Variants in PDE4B observed in about 807,000 individuals in gnomAD.
PDE4B encodes the protein 3',5'-cyclic-AMP phosphodiesterase 4B.
Under a neutral mutation model 82.2 loss-of-function variants are expected in PDE4B, and 20 were observed. The ratio of observed to expected loss-of-function variants is 0.24; its 90% CI spans 0.17 to 0.35. The LOEUF is 0.35. Ranked by LOEUF, PDE4B falls within the 10% of genes least tolerant of loss-of-function variation. The pLI, the probability that PDE4B is intolerant of heterozygous loss-of-function variation, is 1.00. For missense variants in PDE4B, 655 were observed against 907.2 expected, an observed-to-expected ratio of 0.72 and a Z score of 3.57; for synonymous variants, 320 against 318.9, an observed-to-expected ratio of 1.00 and a Z score of -0.04.
chr1:66,040,305 G>C (rs949940880), intron 3 of PDE4B, among the ~76,000 whole-genome samples: 6 of 151,954 alleles, frequency 3.9e-5, no homozygotes, highest in Non-Finnish European at 8.8e-5. Context: ...ATTTTATTTA[G>C]AGGAACCACC....
intron 3 of PDE4B, among the ~76,000 whole-genome samples, chr1:66,189,252 G>A (rs1429581810): frequency 6.6e-6 from 1 of 151,848 alleles, no homozygotes; most frequent in Non-Finnish European, 1.5e-5. Flanking sequence ...CTTTCTCTCT[G>A]GCTGCCCTTA....
intron 3 of PDE4B, among the ~76,000 whole-genome samples, chr1:65,981,928 A>G (rs1650711744): frequency 6.6e-6 from 1 of 152,156 alleles, no homozygotes; most frequent in African/African-American, 2.4e-5. Context: ...TTGGACGTCT[A>G]GCTCCCAGAA....
chr1:66,139,735 CAA>C (rs10654385), intron 3 of PDE4B, among the ~76,000 whole-genome samples: 21,869 of 99,986 alleles, frequency 0.22, 1,988 homozygotes, highest in South Asian at 0.45. Context: ...CCTCCCCCCT[CAA>C]AAAAAAAAAA....
chr1:66,298,831 C>A (rs1243976625), intron 7 of PDE4B, among the ~76,000 whole-genome samples: 1 of 152,098 alleles, frequency 6.6e-6, no homozygotes. Flanking sequence ...ATCACTGTAA[C>A]CTGAAATGTC....
At chr1:65,847,075 T>C (rs1381195315) in intron 1 of PDE4B, among the ~76,000 whole-genome samples, 2 of 152,248 alleles carry the variant, frequency 1.3e-5, no homozygotes, top group Admixed American at 1.3e-4. Context: ...TAACATTTTC[T>C]AATATTGTTG....
intron 3 of PDE4B, among the ~76,000 whole-genome samples, chr1:65,986,407 T>A (rs971661491): frequency 6.6e-6 from 1 of 152,200 alleles, no homozygotes; most frequent in African/African-American, 2.4e-5. Flanking sequence ...CCTTTGAATT[T>A]AGCCTTAATG....
At chr1:66,116,492 T>C (rs1645596319) in intron 3 of PDE4B, among the ~76,000 whole-genome samples, 1 of 152,194 alleles carries the variant, frequency 6.6e-6, no homozygotes, top group Non-Finnish European at 1.5e-5. Flanking sequence ...TCACATCCTT[T>C]AGAATTCTTC....
chr1:66,330,705 G>A, intron 7 of PDE4B: 2 of 902,096 alleles, frequency 2.2e-6, no homozygotes, highest in Non-Finnish European at 2.7e-6. Flanking sequence ...TTCAGAAAAG[G>A]CTTCCTTGGA....
chr1:65,968,364 G>A (rs1428069766), intron 3 of PDE4B, among the ~76,000 whole-genome samples: 1 of 152,098 alleles, frequency 6.6e-6, no homozygotes, highest in Non-Finnish European at 1.5e-5. Context: ...CTTATTGAAT[G>A]TCTTCTCTGT....
chr1:65,985,951 T>TA (rs1557477768), intron 3 of PDE4B, among the ~76,000 whole-genome samples: 2 of 152,022 alleles, frequency 1.3e-5, no homozygotes, highest in African/African-American at 4.8e-5. Context: ...TAATAATAAT[T>TA]ATTATTATTA....
intron 3 of PDE4B, among the ~76,000 whole-genome samples, chr1:66,105,515 A>G (rs1403828211): frequency 1.3e-5 from 2 of 152,136 alleles, no homozygotes; most frequent in African/African-American, 4.8e-5. Context: ...CATTGAATCT[A>G]TAAATTACCT....
intron 3 of PDE4B, among the ~76,000 whole-genome samples, chr1:66,207,325 T>G (rs544065088): frequency 2.0e-5 from 3 of 152,298 alleles, no homozygotes; most frequent in Admixed American, 1.3e-4. Context: ...AAAGCCAATT[T>G]CTTAATGCAA....
At chr1:65,988,307 C>A (rs894840652) in intron 3 of PDE4B, among the ~76,000 whole-genome samples, 9 of 152,160 alleles carry the variant, frequency 5.9e-5, no homozygotes, top group Non-Finnish European at 1.5e-5. Context: ...TAGAATAATT[C>A]TCTAGCTTCG....
intron 8 of PDE4B, chr1:66,354,790 A>G: frequency 6.5e-7 from 1 of 1,534,570 alleles, no homozygotes. Context: ...TTGCTCTCTC[A>G]GAACTGTGAA....
At chr1:65,971,641 G>A (rs1255656632) in intron 3 of PDE4B, among the ~76,000 whole-genome samples, 3 of 152,160 alleles carry the variant, frequency 2.0e-5, no homozygotes, top group Non-Finnish European at 4.4e-5. Flanking sequence ...TGAAAATGCT[G>A]AGAGTGATAT....
At chr1:66,093,879 A>G (rs1362439040) in intron 3 of PDE4B, among the ~76,000 whole-genome samples, 1 of 152,048 alleles carries the variant, frequency 6.6e-6, no homozygotes, top group Non-Finnish European at 1.5e-5. Context: ...ATGGAAAAGT[A>G]GAAGGGACCC....
intron 1 of PDE4B, among the ~76,000 whole-genome samples, chr1:65,836,307 C>T (rs1262528538): frequency 1.3e-5 from 2 of 152,138 alleles, no homozygotes; most frequent in African/African-American, 4.8e-5. Flanking sequence ...TTACCATGTC[C>T]CCATGTCCTA....
At chr1:65,911,545 C>A (rs1302211033) in intron 1 of PDE4B, among the ~76,000 whole-genome samples, 4 of 151,588 alleles carry the variant, frequency 2.6e-5, no homozygotes, top group Non-Finnish European at 4.4e-5. Context: ...TTAACCCTAA[C>A]TATAGAGGCC....
intron 2 of PDE4B, among the ~76,000 whole-genome samples, chr1:65,914,191 G>A (rs1052077112): frequency 6.6e-6 from 1 of 152,166 alleles, no homozygotes; most frequent in African/African-American, 2.4e-5. Context: ...AATCCATCTT[G>A]TTAAGCTCCT....
Sources: allele counts gnomAD v4.1 joint callset (sites outside exome capture counted in the v4.1 genomes callset), GRCh38; gene constraint gnomAD v4.1.1; transcripts MANE v1.5; gene names NCBI Gene and HGNC (gene_info 2026-07-23, HGNC 2026-07-21).